The following MGAM2 variants were observed in gnomAD, a reference collection of about 807,000 sequenced individuals.
MGAM2 encodes probable maltase-glucoamylase 2.
A neutral mutation model predicts 96.1 loss-of-function variants in MGAM2; 98 were observed. The observed-to-expected ratio is 1.02, with a 90% CI of 0.87 to 1.21. The LOEUF (loss-of-function observed/expected upper bound fraction) is 1.21, where lower values mean the gene tolerates loss of function less well. Ranked by LOEUF, MGAM2 falls within the 50% of genes most tolerant of loss-of-function variation. The pLI, the probability that MGAM2 is intolerant of heterozygous loss-of-function variation, is 0.00. For missense variants in MGAM2, 2,055 were observed against 1,182.4 expected (o/e 1.74, Z -10.82); for synonymous variants, 749 against 414.8 (o/e 1.81, Z -9.79).
chr7:142,116,295 A>G (rs570244804), intron 1 of MGAM2, among the ~76,000 whole-genome samples: 85 of 152,304 alleles, frequency 5.6e-4, no homozygotes, highest in Non-Finnish European at 1.0e-3. Flanking sequence ...CACGAAATTT[A>G]TGTGAGTTGT....
At chr7:142,120,988 T>C (rs1459203117) in intron 3 of MGAM2, among the ~76,000 whole-genome samples, 1 of 152,178 alleles carries the variant, frequency 6.6e-6, no homozygotes, top group Non-Finnish European at 1.5e-5. Context: ...TTGTATGTAT[T>C]TATATATTTA....
Position 142,116,914 on chromosome 7 carries a change from T to C in MGAM2, c.41T>C (p.Ile14Thr), listed in dbSNP as rs1817423472. The C allele has an allele frequency of 2.8e-6, 2 of 703,466 alleles. No individual in the cohort carries two copies. The highest frequency in any genetic ancestry group is 1.7e-5 in the African/African-American group (1 of 57,260). The allele number at this position is 703,466 out of a possible 1,614,324, so 43.6% of individuals were successfully genotyped here. A position where few individuals can be genotyped will look rare whatever the true frequency, so the allele number is the denominator to read the frequency against. Residue 14 changes from isoleucine to threonine, a missense_variant, in exon 2 of 48, where the codon ATC (isoleucine) becomes ACC (threonine). By Grantham distance (89) the Ile-to-Thr change is moderately conservative. Coordinates refer to ENST00000477922, the MANE Select transcript of MGAM2 (RefSeq NM_001293626.2). ...KLSVLEVLLI[I>T]FCLIVVTIDI... ...AGTGTATTGGAAGTCCTTCTGATCA[T>C]CTTCTGCTTAATTGTGGTGACCATA...
chr7:142,163,527 G>A (rs548749937), intron 23 of MGAM2, among the ~76,000 whole-genome samples: 4 of 152,096 alleles, frequency 2.6e-5, no homozygotes, highest in East Asian at 1.9e-4. Context: ...TGATCCGCCC[G>A]CCTCACCTTC....
At chr7:142,158,831 T>C (rs1397899131) in intron 19 of MGAM2, among the ~76,000 whole-genome samples, 1 of 152,162 alleles carries the variant, frequency 6.6e-6, no homozygotes, top group African/African-American at 2.4e-5. Context: ...TGGCAAAGTG[T>C]GGGACAAGGA....
At chr7:142,187,899 A>G (rs771157513) in intron 36 of MGAM2, 65 bp downstream of exon 36, 104 of 678,560 alleles carry the variant, frequency 1.5e-4, no homozygotes, top group Non-Finnish European at 2.4e-4. Context: ...TTTTCCTTTT[A>G]CTGTCAAAGT....
Position 142,140,897 on chromosome 7 carries a change from G to A in MGAM2, c.1182G>A (p.Glu394=), listed in dbSNP as rs1486146270. 3.6e-5 allele frequency: 25 copies of A among 702,794 alleles called. No individual in the cohort carries two copies. In the Admixed American group the frequency reaches 5.0e-4, roughly 14 times the overall value. 43.5% of individuals were successfully genotyped at this position (702,794 alleles called of 1,614,324 possible). ...AYSGLPDFVK[E]LHDNGQKYLI... is the part of the protein sequence containing the mutation. ...CTGGTCTCCCAGATTTTGTCAAGGA[G>A]TTACATGACAATGGACAGAAATATC... The change falls in exon 11 of 48, where the codon GAG becomes GAA. Residue 394 remains glutamate (E), a synonymous_variant. Coordinates refer to ENST00000477922, the MANE Select transcript of MGAM2 (RefSeq NM_001293626.2).
rs879850368 is a variant in MGAM2, at chr7:142,149,744, C to CAT, written c.1634+2171_1634+2172insAT. ...TTTTAGTAGAGACGGGGTTTCACAG[C>CAT]GTTAGCCAGGATGGTCTCCATCTCC... On this transcript the variant is annotated intron_variant, in intron 15 of 47. Coordinates refer to ENST00000477922, the MANE Select transcript of MGAM2 (RefSeq NM_001293626.2). Among the ~76,000 whole-genome samples, 1,407 of 151,310 alleles carry CAT rather than the reference C, an allele frequency of 9.3e-3. 11 individuals are homozygous for CAT. Among genetic ancestry groups the CAT allele is most frequent in the Non-Finnish European group, 0.016 (1,090 of 67,766 alleles).
chr7:142,184,654 G>A (rs867847780), intron 33 of MGAM2, among the ~76,000 whole-genome samples: 11 of 152,232 alleles, frequency 7.2e-5, no homozygotes, highest in Middle Eastern at 6.8e-3. Flanking sequence ...CTTGGAGTCC[G>A]CTATAAGTCA....
intron 37 of MGAM2, among the ~76,000 whole-genome samples, chr7:142,189,798 C>T (rs1796813036): frequency 6.6e-6 from 1 of 152,132 alleles, no homozygotes; most frequent in South Asian, 2.1e-4. Context: ...AAACCTTTGC[C>T]CATTAGCAAT....
chr7:142,141,132 G>A lies in MGAM2; in HGVS notation c.1317+13G>A, dbSNP rs1250722694. On this transcript the variant is annotated intron_variant, in intron 12 of 47. Coordinates refer to ENST00000477922, the MANE Select transcript of MGAM2 (RefSeq NM_001293626.2). ...TGCTGTTGGGGAGGTAATTTCTTAA[G>A]AAAATCAAAGTAAATTATGATTGTT... 1.2e-5 allele frequency: 8 copies of A among 693,918 alleles called. No homozygotes were observed. The highest frequency in any genetic ancestry group is 2.1e-5 in the Non-Finnish European group (8 of 382,424). 43.0% of individuals were successfully genotyped at this position (693,918 alleles called of 1,614,324 possible). A position where few individuals can be genotyped will look rare whatever the true frequency, so the allele number is the denominator to read the frequency against.
chr7:142,135,734 A>G (rs1042538583), intron 7 of MGAM2, among the ~76,000 whole-genome samples: 2 of 151,692 alleles, frequency 1.3e-5, no homozygotes, highest in African/African-American at 2.4e-5. Flanking sequence ...ACACACACAC[A>G]CACACACACA....
chr7:142,138,594 G>T lies in MGAM2; in HGVS notation c.1013G>T (p.Ser338Ile). The change falls in exon 10 of 48, where the codon AGT becomes ATT. Residue 338 changes from serine (S) to isoleucine (I), a missense_variant. Coordinates refer to ENST00000477922, the MANE Select transcript of MGAM2 (RefSeq NM_001293626.2). ...PPYWSLGFQL[S>I]RRDYGGINKL... is the part of the protein sequence containing the mutation. ...TATTGGAGTCTTGGGTTCCAGCTTA[G>T]TCGCAGGGACTATGGTGGCATCAAT... The T allele has an allele frequency of 2.8e-6, 2 of 703,222 alleles. No homozygotes were observed. The highest frequency in any genetic ancestry group is 5.2e-6 in the Non-Finnish European group (2 of 385,006). The allele number at this position is 703,222 out of a possible 1,614,324, so 43.6% of individuals were successfully genotyped here. A position where few individuals can be genotyped will look rare whatever the true frequency, so the allele number is the denominator to read the frequency against.
At chr7:142,218,037 C>A in intron 46 of MGAM2, among the ~76,000 whole-genome samples, 1 of 152,012 alleles carries the variant, frequency 6.6e-6, no homozygotes, top group East Asian at 1.9e-4. Flanking sequence ...TGAGCCCAGA[C>A]CACGCCATTG....
Position 142,198,146 on chromosome 7 carries a change from T to C in MGAM2, c.4874T>C (p.Phe1625Ser), listed in dbSNP as rs929375503. 1 of 702,972 alleles carries C rather than the reference T, an allele frequency of 1.4e-6. No individual in the cohort carries two copies. The allele number at this position is 702,972 out of a possible 1,614,324, so 43.5% of individuals were successfully genotyped here. A position where few individuals can be genotyped will look rare whatever the true frequency, so the allele number is the denominator to read the frequency against. ...LISPVLETSTFEISAYFPRAR... is the reference protein window; with the variant it reads ...LISPVLETSTSEISAYFPRAR... ...GTCAATTTTATGTTTCAGAGCACAT[T>C]TGAGATCTCTGCTTATTTTCCGAGA... Residue 1625 changes from phenylalanine to serine, a missense_variant, in exon 43 of 48, where the codon TTT becomes TCT. By Grantham distance (155) the Phe-to-Ser change is radical. Transcript: ENST00000477922.
chr7:142,143,299 A>C (rs1220744648), intron 12 of MGAM2, among the ~76,000 whole-genome samples: 1 of 152,220 alleles, frequency 6.6e-6, no homozygotes, highest in East Asian at 1.9e-4. Context: ...AAATGACCTG[A>C]GTAAGAAGCG....
At chr7:142,174,091 A>G (rs1796289351) in intron 31 of MGAM2, among the ~76,000 whole-genome samples, 2 of 152,290 alleles carry the variant, frequency 1.3e-5, no homozygotes, top group South Asian at 2.1e-4. Context: ...GCCCTGTAGC[A>G]TAGTTTAAAG....
intron 46 of MGAM2, among the ~76,000 whole-genome samples, chr7:142,217,376 C>T (rs752500818): frequency 1.4e-4 from 21 of 152,170 alleles, no homozygotes; most frequent in Non-Finnish European, 7.3e-5. Flanking sequence ...GTTATCTAGC[C>T]TTGTCGCTTT....
chr7:142,185,883 A>G (rs1460738552), intron 34 of MGAM2, 106 bp from the exon 35 acceptor site: 6 of 579,264 alleles, frequency 1.0e-5, no homozygotes, highest in Non-Finnish European at 1.9e-5. Context: ...ATCTGAGATT[A>G]GAGCAGAGAC....
chr7:142,117,885 C>T (rs1282045465), intron 2 of MGAM2, among the ~76,000 whole-genome samples: 1 of 151,804 alleles, frequency 6.6e-6, no homozygotes, highest in East Asian at 1.9e-4. Context: ...CCTGCATTCA[C>T]CTTAAACCAC....
Sources: allele counts gnomAD v4.1 joint callset (sites outside exome capture counted in the v4.1 genomes callset), GRCh38; gene constraint gnomAD v4.1.1; transcripts MANE v1.5; gene names NCBI Gene and HGNC (gene_info 2026-07-23, HGNC 2026-07-21).